Variants in TIAM1 observed in about 807,000 individuals in gnomAD.
TIAM1 encodes the protein rho guanine nucleotide exchange factor TIAM1.
Under a neutral mutation model 163.5 loss-of-function variants are expected in TIAM1, and 65 were observed. That is an observed-to-expected ratio of 0.40 (90% CI 0.33 to 0.49). The LOEUF is 0.49. Among genes scored for constraint, TIAM1 ranks in the 20% least tolerant of loss-of-function variants. The pLI is 0.77. For missense variants in TIAM1, 1,789 were observed against 2,044.7 expected (o/e 0.87, Z 2.41); for synonymous variants, 833 against 810.1 (o/e 1.03, Z -0.48).
At chr21:31,231,927 G>A (rs2088462047) in intron 6 of TIAM1, among the ~76,000 whole-genome samples, 1 of 151,824 alleles carries the variant, frequency 6.6e-6, no homozygotes, top group Admixed American at 6.6e-5. Flanking sequence ...GCACAAAATC[G>A]CTTGAACCCG....
intron 2 of TIAM1, among the ~76,000 whole-genome samples, chr21:31,306,904 T>C (rs1336388315): frequency 1.3e-5 from 2 of 152,124 alleles, no homozygotes; most frequent in Non-Finnish European, 2.9e-5. Context: ...CCCTGTATGG[T>C]GGCTGTATAG....
At position 31,230,016 on chromosome 21, in the gene TIAM1, G is replaced by A. The variant is rs991449598; in HGVS notation, c.1585-4066C>T. Among the ~76,000 whole-genome samples, 5 of 152,244 alleles carry A rather than the reference G, an allele frequency of 3.3e-5. 1 individual carries two copies. The South Asian group carries it at 6.2e-4, about 19-fold the overall frequency. ...AGATGCAATCCCTGCAGAGGCGCAC[G>A]CAGCACTAAGGAGAGGCTATGGTTC... On this transcript the variant is annotated intron_variant, in intron 6 of 27. Coordinates refer to ENST00000541036, the MANE Select transcript of TIAM1 (RefSeq NM_001353694.2).
At chr21:31,452,221 C>T (rs573131050) in intron 2 of TIAM1, among the ~76,000 whole-genome samples, 65 of 152,198 alleles carry the variant, frequency 4.3e-4, no homozygotes, top group African/African-American at 1.4e-3. Context: ...AGCAAACTGC[C>T]GAGCTCAGGA....
intron 4 of TIAM1, 26 bp from the exon 5 acceptor site, chr21:31,252,215 G>A (rs774737769): frequency 6.3e-7 from 1 of 1,588,668 alleles, no homozygotes; most frequent in Non-Finnish European, 8.5e-7. Flanking sequence ...AGAGAGCAAA[G>A]AAGACAAGCG....
At chr21:31,490,930 G>T (rs1431222363) in intron 1 of TIAM1, among the ~76,000 whole-genome samples, 1 of 152,212 alleles carries the variant, frequency 6.6e-6, no homozygotes, top group Admixed American at 6.5e-5. Context: ...ATCCAGACCA[G>T]CCTGGCCAAC....
chr21:31,472,900 T>C (rs1188545255), intron 1 of TIAM1, among the ~76,000 whole-genome samples: 1 of 152,204 alleles, frequency 6.6e-6, no homozygotes, highest in East Asian at 1.9e-4. Flanking sequence ...CTGCAGGTAT[T>C]TTCACCGTCA....
At chr21:31,190,689 T>C (rs1319449323) in intron 13 of TIAM1, among the ~76,000 whole-genome samples, 2 of 152,176 alleles carry the variant, frequency 1.3e-5, no homozygotes, top group Non-Finnish European at 2.9e-5. Context: ...TTAGTCTAAG[T>C]ATCATGTAAC....
At chr21:31,269,830 C>A (rs1230444192) in intron 3 of TIAM1, among the ~76,000 whole-genome samples, 1 of 152,102 alleles carries the variant, frequency 6.6e-6, no homozygotes, top group Non-Finnish European at 1.5e-5. Context: ...CGCCACCACG[C>A]CTGGCTAATT....
At chr21:31,339,463 G>A (rs1051784796) in intron 1 of TIAM1, 41 bp from the exon 2 acceptor site, 38 of 398,452 alleles carry the variant, frequency 9.5e-5, no homozygotes, top group African/African-American at 6.0e-4. Flanking sequence ...TTTGTGCTTC[G>A]TTTTTACATA....
At chr21:31,157,188 T>A (rs959922968) in intron 16 of TIAM1, among the ~76,000 whole-genome samples, 1 of 152,106 alleles carries the variant, frequency 6.6e-6, no homozygotes, top group African/African-American at 2.4e-5. Flanking sequence ...TATTAAACAC[T>A]GAAATAAATG....
intron 3 of TIAM1, among the ~76,000 whole-genome samples, chr21:31,271,637 T>C (rs1376042161): frequency 2.0e-5 from 3 of 152,178 alleles, no homozygotes; most frequent in Non-Finnish European, 4.4e-5. Flanking sequence ...CTCCAGTTCC[T>C]ATCTTCCTCT....
chr21:31,330,587 C>A (rs956200376), intron 2 of TIAM1, among the ~76,000 whole-genome samples: 1 of 152,038 alleles, frequency 6.6e-6, no homozygotes, highest in Admixed American at 6.5e-5. Flanking sequence ...TACAGGCATG[C>A]GCCACCACGC....
chr21:31,422,824 C>T (rs1157854132), intron 2 of TIAM1, among the ~76,000 whole-genome samples: 1 of 152,210 alleles, frequency 6.6e-6, no homozygotes, highest in Non-Finnish European at 1.5e-5. Context: ...AGTTTGTTCA[C>T]CTTCCAAAAT....
upstream of TIAM1, among the ~76,000 whole-genome samples, chr21:31,347,703 AAC>A (rs780899127): frequency 5.3e-5 from 8 of 152,324 alleles, no homozygotes; most frequent in East Asian, 1.4e-3. Context: ...ATACAAAAAT[AAC>A]ACACATCACC....
At chr21:31,355,577 A>C (rs542995044) in intron 2 of TIAM1, among the ~76,000 whole-genome samples, 6 of 146,184 alleles carry the variant, frequency 4.1e-5, no homozygotes, top group Non-Finnish European at 9.1e-5. Flanking sequence ...ATTGAGAAAG[A>C]GTCTCGCCCT....
intron 12 of TIAM1, among the ~76,000 whole-genome samples, chr21:31,200,177 T>C (rs1296883691): frequency 1.3e-5 from 2 of 152,092 alleles, no homozygotes; most frequent in African/African-American, 4.8e-5. Flanking sequence ...TAAATAAATA[T>C]TTGCTAGATG....
At chr21:31,316,930 CT>C (rs1461607439) in intron 2 of TIAM1, among the ~76,000 whole-genome samples, 2 of 152,174 alleles carry the variant, frequency 1.3e-5, no homozygotes, top group Non-Finnish European at 2.9e-5. Context: ...GTGGGTAAGT[CT>C]ACCTAACTCA....
At chr21:31,487,128 T>C (rs931479270) in intron 1 of TIAM1, among the ~76,000 whole-genome samples, 5 of 152,210 alleles carry the variant, frequency 3.3e-5, no homozygotes, top group African/African-American at 1.2e-4. Flanking sequence ...TGATAAATCC[T>C]GACTGGTCCA....
At chr21:31,301,491 A>G (rs1037297191) in intron 2 of TIAM1, among the ~76,000 whole-genome samples, 11 of 152,228 alleles carry the variant, frequency 7.2e-5, no homozygotes, top group African/African-American at 2.7e-4. Flanking sequence ...ATAGGTAGTT[A>G]TCCATCCATG....
Sources: gnomAD v4.1 joint callset for allele counts (sites outside exome capture counted in the v4.1 genomes callset) on GRCh38, gnomAD v4.1.1 for gene constraint, MANE v1.5 for transcripts, NCBI Gene and HGNC (gene_info 2026-07-23, HGNC 2026-07-21) for gene names.